SYNJ2: variants seen among roughly 807,000 people sequenced by gnomAD.
SYNJ2 encodes the protein synaptojanin 2.
Under a neutral mutation model 141.3 loss-of-function variants are expected in SYNJ2, and 116 were observed. The ratio of observed to expected loss-of-function variants is 0.82; its 90% CI spans 0.71 to 0.96. The LOEUF is 0.96. Ranked by LOEUF, SYNJ2 falls within the 40% of genes least tolerant of loss-of-function variation. SYNJ2 has a pLI of 0.00. For synonymous variants in SYNJ2, 745 were observed against 777.7 expected (o/e 0.96, Z 0.70); for missense variants, 1,873 against 1,934.8 (o/e 0.97, Z 0.60).
Position 158,070,840 on chromosome 6 carries a change from G to A in SYNJ2, c.1941-762G>A, listed in dbSNP as rs1337093209. On this transcript the variant is annotated intron_variant, in intron 14 of 26. Coordinates refer to ENST00000355585, the MANE Select transcript of SYNJ2 (RefSeq NM_003898.4). This position sits in a 1 kb window ranked among gnomAD's most constrained non-coding sequence, Gnocchi z 4.0. ...TGGCATTGCATAAAAGTCCTTTTGAGACCATCTACCCAGCCCAGCATAAAC... is the reference window on the plus strand; with the variant it reads ...TGGCATTGCATAAAAGTCCTTTTGAAACCATCTACCCAGCCCAGCATAAAC... Among the ~76,000 whole-genome samples the A allele has an allele frequency of 1.3e-5, 2 of 152,194 alleles. No homozygotes were observed. The highest frequency in any genetic ancestry group is 4.8e-5 in the African/African-American group (2 of 41,444).
At chr6:158,035,109 T>C (rs1779571300) in intron 4 of SYNJ2, among the ~76,000 whole-genome samples, 1 of 152,212 alleles carries the variant, frequency 6.6e-6, no homozygotes, top group Non-Finnish European at 1.5e-5. Context: ...TGAATTCAGG[T>C]AGTGTGATGC....
At chr6:158,029,423 G>A (rs1056530242) in intron 3 of SYNJ2, 3 of 157,490 alleles carry the variant, frequency 1.9e-5, no homozygotes, top group African/African-American at 7.4e-5. Context: ...AAATTAGCTG[G>A]GCGTGGTGGC....
intron 6 of SYNJ2, among the ~76,000 whole-genome samples, chr6:158,057,864 G>T (rs896384983): frequency 6.6e-6 from 1 of 152,360 alleles, no homozygotes; most frequent in East Asian, 1.9e-4. Context: ...GCCCACAAGG[G>T]CTGAAGCCAC....
chr6:158,052,464 G>A (rs1424700448), intron 5 of SYNJ2, among the ~76,000 whole-genome samples: 1 of 152,218 alleles, frequency 6.6e-6, no homozygotes, highest in African/African-American at 2.4e-5. Flanking sequence ...TCATGGTAAT[G>A]CAGGCTATAC....
Position 158,078,209 on chromosome 6 carries a change from A to G in SYNJ2, c.2495A>G (p.Lys832Arg), listed in dbSNP as rs1782443579. 1.9e-6 allele frequency: 3 copies of G among 1,614,090 alleles called. No individual in the cohort carries two copies. The highest frequency in any genetic ancestry group is 1.7e-6 in the Non-Finnish European group (2 of 1,179,976). ...GACAGTGATCTAGATGTTGACACCA[A>G]AGTCAGACACACCTGGTCTCCTGGT... is the stretch of plus-strand genomic sequence containing the variant. ...LLDSDLDVDT[K>R]VRHTWSPGAL... The change falls in exon 18 of 27, where the codon AAA becomes AGA. Residue 832 changes from lysine (K) to arginine (R), a missense_variant. Physicochemically the swap from Lys to Arg is conservative, Grantham distance 26. Transcript: ENST00000355585.
At chr6:157,985,775 G>T (rs1777178645) in intron 1 of SYNJ2, among the ~76,000 whole-genome samples, 1 of 152,206 alleles carries the variant, frequency 6.6e-6, no homozygotes, top group Admixed American at 6.5e-5. Flanking sequence ...GTGAAGTCGT[G>T]CCTCCTGCCG....
At chr6:158,068,874 G>A in intron 13 of SYNJ2, 146 bp downstream of exon 13, 1 of 792,408 alleles carries the variant, frequency 1.3e-6, no homozygotes, top group Non-Finnish European at 2.1e-6. Context: ...CTCTCACCTG[G>A]CTCCTTCTCT....
chr6:158,016,546 G>T (rs569430980), intron 1 of SYNJ2, among the ~76,000 whole-genome samples: 153 of 152,226 alleles, frequency 1.0e-3, no homozygotes, highest in African/African-American at 3.6e-3. Context: ...GGGTCTAAAG[G>T]CCTGCCCCGT....
chr6:158,078,152 C>G lies in SYNJ2; in HGVS notation c.2450-12C>G. ...TCTATATGGGTCTCTCGAATGGAAC[C>G]CCTGCGAGTAGCTGGAGAACTCAAC... On this transcript the variant is annotated splice_polypyrimidine_tract_variant and intron_variant, in intron 17 of 26. Transcript: ENST00000355585. 6.4e-7 allele frequency: 1 copy of G among 1,561,536 alleles called. No individual in the cohort carries two copies. The highest frequency in any genetic ancestry group is 8.8e-7 in the Non-Finnish European group (1 of 1,133,014).
chr6:158,050,238 G>A (rs145608225), intron 5 of SYNJ2, among the ~76,000 whole-genome samples: 37 of 152,368 alleles, frequency 2.4e-4, no homozygotes, highest in African/African-American at 8.4e-4. Flanking sequence ...GAATCTCCTG[G>A]AGGGCTTGTT....
At chr6:158,023,831 C>T (rs767935614) in intron 2 of SYNJ2, among the ~76,000 whole-genome samples, 3 of 152,170 alleles carry the variant, frequency 2.0e-5, no homozygotes, top group South Asian at 4.1e-4. Context: ...TCCCCCATAA[C>T]GGAAGGAGAA....
intron 5 of SYNJ2, among the ~76,000 whole-genome samples, chr6:158,046,683 C>T (rs1052349930): frequency 6.6e-6 from 1 of 152,142 alleles, no homozygotes; most frequent in Admixed American, 6.5e-5. Context: ...GGTAATGGTA[C>T]CTTCAGTACT....
intron 26 of SYNJ2, chr6:158,093,820 T>C: frequency 1.3e-6 from 1 of 741,342 alleles, no homozygotes; most frequent in South Asian, 1.4e-5. Context: ...ATTCGCCATG[T>C]TCACATGCTC....
rs1207073101 is a variant in SYNJ2 at position 158,054,999 on chromosome 6, C to G, written c.828C>G (p.Gly276=). The stretch of plus-strand genomic sequence containing the variant: ...CCCATCATCTGAGACTCCACAGAGG[C>G]CTGGAAGCCAATGCCCCTGCTTTCG... ...VGSHHLRLHR[G]LEANAPAFDR... Residue 276 remains glycine, a synonymous_variant, in exon 6 of 27, where the codon GGC becomes GGG. Coordinates refer to ENST00000355585, the MANE Select transcript of SYNJ2 (RefSeq NM_003898.4). 3.7e-6 allele frequency: 6 copies of G among 1,614,046 alleles called. No homozygotes were observed. In the South Asian group the frequency reaches 4.4e-5, roughly 12 times the overall value.
intron 15 of SYNJ2, among the ~76,000 whole-genome samples, chr6:158,074,075 G>T (rs1313382009): frequency 2.6e-5 from 4 of 152,076 alleles, no homozygotes; most frequent in African/African-American, 7.2e-5. Flanking sequence ...CTGAGCTGGG[G>T]CCGTGGGCTC....
rs1334385225 is a variant in SYNJ2 at position 158,097,388 on chromosome 6, A to G, written c.*1024A>G. 1 of 152,104 alleles carries G rather than the reference A, an allele frequency of 6.6e-6. No individual in the cohort carries two copies. The highest frequency in any genetic ancestry group is 2.4e-5 in the African/African-American group (1 of 41,400). The allele number at this position is 152,104 out of a possible 1,614,324, so 9.4% of individuals were successfully genotyped here. A position where few individuals can be genotyped will look rare whatever the true frequency, so the allele number is the denominator to read the frequency against. ...GTTTGTCTATATTTTTTGCCTATAC[A>G]TTTTTCCCACGTTTCCAACAGCACT... is the stretch of plus-strand genomic sequence containing the variant. On this transcript the variant is annotated 3_prime_UTR_variant, in exon 27 of 27. Coordinates refer to ENST00000355585, the MANE Select transcript of SYNJ2 (RefSeq NM_003898.4).
At chr6:158,095,357 A>G (rs1173659708) in intron 26 of SYNJ2, among the ~76,000 whole-genome samples, 1 of 152,090 alleles carries the variant, frequency 6.6e-6, no homozygotes, top group Non-Finnish European at 1.5e-5. Context: ...TTGTCTGATT[A>G]TTTACTGTGG....
At chr6:158,053,981 C>T (rs1323382462) in intron 5 of SYNJ2, among the ~76,000 whole-genome samples, 2 of 151,328 alleles carry the variant, frequency 1.3e-5, no homozygotes, top group Non-Finnish European at 2.9e-5. Flanking sequence ...CCCATCCATC[C>T]ATCCCCATTC....
At chr6:158,056,073 C>T (rs1780852403) in intron 6 of SYNJ2, among the ~76,000 whole-genome samples, 1 of 152,160 alleles carries the variant, frequency 6.6e-6, no homozygotes, top group African/African-American at 2.4e-5. Context: ...CAGAGCGAGA[C>T]TCCATCTCAA....
Sources: allele counts gnomAD v4.1 joint callset (sites outside exome capture counted in the v4.1 genomes callset), GRCh38; gene constraint gnomAD v4.1.1; non-coding constraint Gnocchi (gnomAD v3.1); transcripts MANE v1.5; gene names NCBI Gene and HGNC (gene_info 2026-07-23, HGNC 2026-07-21).